The following SPECC1 variants were observed in gnomAD, a reference collection of about 807,000 sequenced individuals.
The protein encoded by SPECC1 is cytospin-B.
In SPECC1, 62 loss-of-function variants were observed where a neutral mutation model predicts 104.1. The observed-to-expected ratio is 0.60, with a 90% CI of 0.49 to 0.74. SPECC1 has a LOEUF of 0.74. Ranked by LOEUF, SPECC1 falls within the 30% of genes least tolerant of loss-of-function variation. The pLI is 0.00. For missense variants in SPECC1, 1,306 were observed against 1,310.5 expected, an observed-to-expected ratio of 1.00 and a Z score of 0.05; for synonymous variants, 513 against 501.6, an observed-to-expected ratio of 1.02 and a Z score of -0.30.
chr17:20,050,727 A>AG, intron 1 of SPECC1, among the ~76,000 whole-genome samples: 1 of 152,330 alleles, frequency 6.6e-6, no homozygotes, highest in African/African-American at 2.4e-5. Context: ...AAATTGTCAG[A>AG]GGACAGTAGG....
At chr17:20,102,792 C>T (rs1314940204) in intron 2 of SPECC1, among the ~76,000 whole-genome samples, 1 of 152,134 alleles carries the variant, frequency 6.6e-6, no homozygotes, top group African/African-American at 2.4e-5. Context: ...CCCTCCTCCT[C>T]CTTGCCTTAA....
intron 1 of SPECC1, among the ~76,000 whole-genome samples, chr17:20,069,948 T>C (rs908402405): frequency 2.0e-5 from 3 of 152,212 alleles, no homozygotes; most frequent in Non-Finnish European, 4.4e-5. Context: ...CAATTGATTT[T>C]TGTAAGATCT....
At chr17:20,027,450 T>C (rs956804771) in intron 1 of SPECC1, among the ~76,000 whole-genome samples, 4 of 152,196 alleles carry the variant, frequency 2.6e-5, no homozygotes, top group Non-Finnish European at 5.9e-5. Flanking sequence ...TTTTCCATTT[T>C]TGTTTTTGTT....
chr17:20,009,464 C>T lies in SPECC1; in HGVS notation c.-22+40C>T, dbSNP rs1024669046. 2.6e-5 allele frequency: 4 copies of T among 152,200 alleles called. No individual in the cohort carries two copies. The highest frequency in any genetic ancestry group is 5.9e-5 in the Non-Finnish European group (4 of 68,080). The allele number at this position is 152,200 out of a possible 1,614,324, so 9.4% of individuals were successfully genotyped here. ...CGCCGCCAGCCCGCCCGCCGGCCGG[C>T]TCTTTGCGCCTCAGCCGCGTGGTCT... On this transcript the variant is annotated intron_variant, in intron 1 of 14. Coordinates refer to ENST00000395527, the MANE Select transcript of SPECC1 (RefSeq NM_001243439.2). This position sits in a 1 kb window ranked among gnomAD's most constrained non-coding sequence, Gnocchi z 5.2.
At position 20,048,772 on chromosome 17, in the gene SPECC1, G is replaced by A. The variant is rs556667959; in HGVS notation, c.-22+39348G>A. ...ATTAGCATGATGGCACGTGCCTGTA[G>A]TCCCAGCTACTCAGGAGGCTGAGGT... On this transcript the variant is annotated intron_variant, in intron 1 of 14. Transcript: ENST00000395527. Among the ~76,000 whole-genome samples, 6 of 151,890 alleles carry A rather than the reference G, an allele frequency of 4.0e-5. No homozygotes were observed. In the East Asian group the frequency reaches 9.7e-4, roughly 25 times the overall value.
At chr17:20,175,498 C>T (rs1182788496) in intron 3 of SPECC1, among the ~76,000 whole-genome samples, 2 of 152,090 alleles carry the variant, frequency 1.3e-5, no homozygotes, top group Non-Finnish European at 2.9e-5. Context: ...ATTTTTAAAA[C>T]TTCTATTCAT....
intron 14 of SPECC1, among the ~76,000 whole-genome samples, chr17:20,309,494 C>G (rs1023657276): frequency 1.3e-5 from 2 of 152,086 alleles, no homozygotes; most frequent in African/African-American, 4.8e-5. Context: ...ATGAGTGATC[C>G]TGTCACCCAG....
intron 3 of SPECC1, among the ~76,000 whole-genome samples, chr17:20,173,148 A>T (rs1021008385): frequency 8.5e-5 from 13 of 152,344 alleles, no homozygotes; most frequent in South Asian, 6.2e-4. Context: ...AAATTTCCAA[A>T]TAAGGATGCA....
At chr17:20,248,837 T>G (rs2151550761) in intron 9 of SPECC1, among the ~76,000 whole-genome samples, 1 of 152,356 alleles carries the variant, frequency 6.6e-6, no homozygotes, top group South Asian at 2.1e-4. Context: ...TGAAGAGAAA[T>G]TTTACATGTT....
intron 1 of SPECC1, among the ~76,000 whole-genome samples, chr17:20,021,861 C>T (rs184243758): frequency 6.2e-4 from 92 of 147,550 alleles, no homozygotes; most frequent in Non-Finnish European, 9.6e-4. Flanking sequence ...TCTTTGCATG[C>T]GCTTGGCATC....
intron 3 of SPECC1, among the ~76,000 whole-genome samples, chr17:20,187,835 C>T (rs1450891382): frequency 3.3e-5 from 5 of 152,078 alleles, no homozygotes; most frequent in Admixed American, 2.0e-4. Context: ...CCTATGAGGC[C>T]TGGTGGGAAG....
At chr17:20,199,185 C>T (rs1455965585) in intron 3 of SPECC1, among the ~76,000 whole-genome samples, 3 of 140,498 alleles carry the variant, frequency 2.1e-5, no homozygotes, top group African/African-American at 5.3e-5. Flanking sequence ...CTCCTGGGTT[C>T]AAGCAATTCT....
In SPECC1 at chr17:20,205,160, G is replaced by C. The variant is rs1378939716; in HGVS notation, c.1111G>C (p.Ala371Pro). Residue 371 changes from alanine to proline, a missense_variant, in exon 4 of 15, where the codon GCT (alanine) becomes CCT (proline). Ala to Pro is a conservative substitution (Grantham distance 27, BLOSUM62 -1). This residue lies in a region of SPECC1 where 1,177 missense variants were observed against 1,139.9 expected (regional missense o/e 1.03). Transcript: ENST00000395527. ...AAACAGCGTAAGTGAATTGTCCCTG[G>C]CTTCCCTCACAGAGAAGATACAAAA... ...SPNSVSELSL[A>P]SLTEKIQKME... 3.1e-6 allele frequency: 5 copies of C among 1,613,952 alleles called. No individual in the cohort carries two copies. The highest frequency in any genetic ancestry group is 4.2e-6 in the Non-Finnish European group (5 of 1,180,016).
Position 20,257,588 on chromosome 17 carries a change from A to T in SPECC1, c.2818A>T (p.Lys940Ter). Residue 940 changes from lysine (K) to a stop codon, truncating the protein, a stop_gained, in exon 11 of 15, where the codon AAA (lysine) becomes TAA (stop). Transcript: ENST00000395527. LOFTEE classifies it high-confidence loss of function. ...GCTGAGTGCTTCCACCCGGGCATGG[A>T]AACCACAAAGCAAACTCAGGTATCG... ...RLLSASTRAW[K>*]PQSKLSVERK... 6.2e-7 allele frequency: 1 copy of T among 1,612,724 alleles called. No individual in the cohort carries two copies. The highest frequency in any genetic ancestry group is 8.5e-7 in the Non-Finnish European group (1 of 1,179,720).
intron 3 of SPECC1, among the ~76,000 whole-genome samples, chr17:20,176,021 C>G (rs753642448): frequency 7.9e-5 from 12 of 152,160 alleles, no homozygotes; most frequent in Non-Finnish European, 1.2e-4. Context: ...TATGTAAATG[C>G]GCAAATTTCT....
intron 1 of SPECC1, chr17:20,017,256 A>G (rs1450803109): frequency 2.0e-5 from 3 of 152,368 alleles, no homozygotes; most frequent in African/African-American, 7.2e-5. Context: ...TATGAGCTGC[A>G]ACACACACCT....
intron 13 of SPECC1, among the ~76,000 whole-genome samples, chr17:20,301,379 C>T (rs969543842): frequency 5.3e-5 from 8 of 151,168 alleles, no homozygotes; most frequent in African/African-American, 1.2e-4. Flanking sequence ...AGCCTGGAGC[C>T]GTGTTCCCCT....
chr17:20,234,004 C>T (rs1380015792), intron 7 of SPECC1, among the ~76,000 whole-genome samples: 1 of 152,186 alleles, frequency 6.6e-6, no homozygotes, highest in Admixed American at 6.5e-5. Flanking sequence ...CTCTGAGACA[C>T]AGGCCAGGTT....
intron 2 of SPECC1, among the ~76,000 whole-genome samples, chr17:20,098,384 A>AC (rs1247123813): frequency 6.6e-6 from 1 of 152,194 alleles, no homozygotes; most frequent in East Asian, 1.9e-4. Flanking sequence ...CTCCCTTGTG[A>AC]CCAGTTGGGT....
Sources: allele counts gnomAD v4.1 joint callset (sites outside exome capture counted in the v4.1 genomes callset), GRCh38; gene constraint gnomAD v4.1.1; regional missense constraint gnomAD v4.1.1; non-coding constraint Gnocchi (gnomAD v3.1); transcripts MANE v1.5; gene names NCBI Gene and HGNC (gene_info 2026-07-23, HGNC 2026-07-21).